Variants in AOAH observed in about 807,000 individuals in gnomAD.
The protein encoded by AOAH is acyloxyacyl hydrolase, also known as acyloxyacyl hydrolase (neutrophil).
A neutral mutation model predicts 92.2 loss-of-function variants in AOAH; 64 were observed. That is an observed-to-expected ratio of 0.69 (90% confidence interval 0.57 to 0.86). The LOEUF (loss-of-function observed/expected upper bound fraction) is 0.86, where lower values mean the gene tolerates loss of function less well. Among genes scored for constraint, AOAH ranks in the 40% least tolerant of loss-of-function variants. The probability of loss-of-function intolerance (pLI) is 0.00; values close to 1 mark genes in which losing one functional copy is unlikely to be tolerated. For missense variants in AOAH, 656 were observed against 694.6 expected (o/e 0.94, Z 0.62); for synonymous variants, 263 against 254.5 (o/e 1.03, Z -0.32).
chr7:36,620,508 T>G (rs995108266), intron 9 of AOAH, among the ~76,000 whole-genome samples: 2 of 152,222 alleles, frequency 1.3e-5, no homozygotes, highest in African/African-American at 4.8e-5. Context: ...TTCATTTAAT[T>G]TCACACTGTT....
chr7:36,689,437 G>A (rs971408737), intron 1 of AOAH, among the ~76,000 whole-genome samples: 1 of 152,190 alleles, frequency 6.6e-6, no homozygotes, highest in Admixed American at 6.5e-5. Flanking sequence ...TGTCTGGTGA[G>A]GGCTTGCTCT....
intron 19 of AOAH, among the ~76,000 whole-genome samples, 190 bp downstream of exon 19, chr7:36,530,227 CA>C (rs1406260160): frequency 6.6e-6 from 1 of 152,080 alleles, no homozygotes; most frequent in Non-Finnish European, 1.5e-5. Context: ...ATGCTGAACC[CA>C]ACTTTTTCAG....
At chr7:36,682,266 C>T (rs1390894316) in intron 2 of AOAH, among the ~76,000 whole-genome samples, 1 of 125,624 alleles carries the variant, frequency 8.0e-6, no homozygotes, top group Non-Finnish European at 1.9e-5. Context: ...AATAGGGAAA[C>T]AGTCAGAAAA....
chr7:36,530,801 T>C (rs1041962441), intron 18 of AOAH: 2 of 278,348 alleles, frequency 7.2e-6, no homozygotes, highest in African/African-American at 2.2e-5. Context: ...ATATTGAATG[T>C]TGTCATGGGT....
At chr7:36,535,140 G>A (rs1784969381) in intron 16 of AOAH, among the ~76,000 whole-genome samples, 1 of 151,320 alleles carries the variant, frequency 6.6e-6, no homozygotes, top group Non-Finnish European at 1.5e-5. Context: ...CTGCTTGTGT[G>A]TACCTGTGTC....
At chr7:36,650,882 G>C (rs1794534285) in intron 4 of AOAH, among the ~76,000 whole-genome samples, 1 of 152,240 alleles carries the variant, frequency 6.6e-6, no homozygotes, top group Admixed American at 6.5e-5. Context: ...AAATAAAGTG[G>C]TGTGAGAGAG....
At chr7:36,695,331 A>C (rs1384535741) in intron 1 of AOAH, among the ~76,000 whole-genome samples, 1 of 152,232 alleles carries the variant, frequency 6.6e-6, no homozygotes, top group Non-Finnish European at 1.5e-5. Context: ...TTTATCAAAC[A>C]TAACTTATTA....
intron 19 of AOAH, among the ~76,000 whole-genome samples, chr7:36,522,419 TCA>T (rs1784153017): frequency 6.6e-6 from 1 of 152,242 alleles, no homozygotes; most frequent in Non-Finnish European, 1.5e-5. Context: ...TCAGTACATG[TCA>T]TTTTTTGGTG....
At chr7:36,713,955 A>G (rs1292443535) in intron 1 of AOAH, among the ~76,000 whole-genome samples, 2 of 152,226 alleles carry the variant, frequency 1.3e-5, no homozygotes, top group Non-Finnish European at 2.9e-5. Flanking sequence ...AAGCTAGCAG[A>G]AGGCAAGAAC....
chr7:36,670,016 A>G (rs192115166), intron 3 of AOAH, among the ~76,000 whole-genome samples: 123 of 152,102 alleles, frequency 8.1e-4, no homozygotes, highest in Non-Finnish European at 1.5e-3. Flanking sequence ...TCCTCCCTGC[A>G]TGACTCAGGT....
intron 5 of AOAH, 117 bp from the exon 6 acceptor site, chr7:36,632,223 C>A: frequency 1.3e-6 from 1 of 786,568 alleles, no homozygotes. Flanking sequence ...AGAATCCAGC[C>A]CATTTCACCT....
At chr7:36,717,825 T>C (rs915544180) in intron 1 of AOAH, among the ~76,000 whole-genome samples, 4 of 149,292 alleles carry the variant, frequency 2.7e-5, no homozygotes, top group Non-Finnish European at 5.9e-5. Context: ...GTGAGGAACT[T>C]GGTGTCTGGG....
intron 11 of AOAH, chr7:36,597,975 T>C (rs1205333713): frequency 7.8e-6 from 1 of 128,844 alleles, no homozygotes; most frequent in African/African-American, 3.3e-5. Flanking sequence ...GCAACCCTCA[T>C]TCTCGGTCAG....
At chr7:36,520,186 C>T (rs1381458480) in intron 20 of AOAH, among the ~76,000 whole-genome samples, 1 of 152,190 alleles carries the variant, frequency 6.6e-6, no homozygotes, top group East Asian at 1.9e-4. Flanking sequence ...ATTTGACAGA[C>T]TTTGAACCCC....
At chr7:36,664,751 A>G (rs1795439190) in intron 3 of AOAH, among the ~76,000 whole-genome samples, 1 of 152,206 alleles carries the variant, frequency 6.6e-6, no homozygotes, top group African/African-American at 2.4e-5. Flanking sequence ...ATTTATAAAG[A>G]AAAGAGGTTT....
chr7:36,692,163 A>G (rs979451971), intron 1 of AOAH, among the ~76,000 whole-genome samples: 1 of 152,204 alleles, frequency 6.6e-6, no homozygotes, highest in African/African-American at 2.4e-5. Context: ...AAGTGTCATG[A>G]GGCTTACGTG....
At chr7:36,639,601 G>C (rs1378942689) in intron 4 of AOAH, among the ~76,000 whole-genome samples, 3 of 152,216 alleles carry the variant, frequency 2.0e-5, no homozygotes, top group Non-Finnish European at 4.4e-5. Context: ...TTATAATAAT[G>C]ATGGGTGATA....
intron 13 of AOAH, among the ~76,000 whole-genome samples, chr7:36,576,333 G>A (rs1157750226): frequency 1.3e-5 from 2 of 152,154 alleles, no homozygotes; most frequent in African/African-American, 4.8e-5. Context: ...TTTGCTGTTG[G>A]GTGAATGATC....
intron 13 of AOAH, among the ~76,000 whole-genome samples, chr7:36,571,875 T>A (rs780873724): frequency 7.9e-5 from 12 of 152,216 alleles, no homozygotes; most frequent in Non-Finnish European, 1.3e-4. Flanking sequence ...TTCTTTCTCT[T>A]AAAAATTTTT....
Sources: gnomAD v4.1 joint callset for allele counts (sites outside exome capture counted in the v4.1 genomes callset) on GRCh38, gnomAD v4.1.1 for gene constraint, MANE v1.5 for transcripts, NCBI Gene and HGNC (gene_info 2026-07-23, HGNC 2026-07-21) for gene names.